Variants in ELMO1 observed in about 807,000 individuals in gnomAD.
The protein encoded by ELMO1 is engulfment and cell motility protein 1.
A neutral mutation model predicts 98.9 loss-of-function variants in ELMO1; 26 were observed. That is an observed-to-expected ratio of 0.26 (90% CI 0.19 to 0.36). The LOEUF (loss-of-function observed/expected upper bound fraction) is 0.36. ELMO1 is among the 10% of genes least tolerant of loss of function. The pLI is 1.00. For missense variants in ELMO1, 627 were observed against 935.2 expected (o/e 0.67, Z 4.30); for synonymous variants, 346 against 346.0 (o/e 1.00, Z 0.00).
intron 19 of ELMO1, among the ~76,000 whole-genome samples, chr7:36,872,916 G>A (rs1042374881): frequency 1.3e-5 from 2 of 152,134 alleles, no homozygotes; most frequent in African/African-American, 4.8e-5. Flanking sequence ...AGCTACAATT[G>A]GTAAGTTAGC....
rs1000074340 is a variant in ELMO1, at chr7:36,870,532, A to G, written c.1823-57T>C. 74 of 1,547,094 alleles carry G rather than the reference A, an allele frequency of 4.8e-5. No individual in the cohort carries two copies. Among genetic ancestry groups the G allele is most frequent in the Admixed American group, 4.4e-4 (25 of 57,262 alleles). On this transcript the variant is annotated intron_variant, in intron 19 of 21. Transcript: ENST00000310758. This position sits in a 1 kb window ranked among gnomAD's most constrained non-coding sequence, Gnocchi z 4.4. ...ACACCATGTGAAAACTTTGATGTCA[A>G]TAAAGAAACAGGACTAAGCACTGGG...
intron 5 of ELMO1, chr7:37,270,308 C>T (rs912793325): frequency 5.9e-5 from 9 of 152,174 alleles, no homozygotes; most frequent in African/African-American, 2.2e-4. Context: ...ACTGTAGCAA[C>T]TCACTCCATT....
At chr7:37,407,470 T>C (rs1039975859) in intron 1 of ELMO1, among the ~76,000 whole-genome samples, 1 of 146,940 alleles carries the variant, frequency 6.8e-6, no homozygotes, top group African/African-American at 2.5e-5. Flanking sequence ...ACTGCACCAC[T>C]GCATTCCAGC....
At chr7:36,923,730 T>C (rs1316902271) in intron 16 of ELMO1, among the ~76,000 whole-genome samples, 3 of 152,176 alleles carry the variant, frequency 2.0e-5, no homozygotes. Flanking sequence ...GAAAGGAACA[T>C]AAATAATTCC....
At chr7:37,089,782 T>A (rs1783972956) in intron 15 of ELMO1, among the ~76,000 whole-genome samples, 1 of 152,194 alleles carries the variant, frequency 6.6e-6, no homozygotes, top group African/African-American at 2.4e-5. Flanking sequence ...GAGACAGAAT[T>A]AAGGGTTTCA....
chr7:37,350,502 C>T (rs1406242034), intron 1 of ELMO1, among the ~76,000 whole-genome samples: 1 of 152,190 alleles, frequency 6.6e-6, no homozygotes, highest in African/African-American at 2.4e-5. Context: ...ACCGTGGACA[C>T]GCACTTTACT....
chr7:36,874,792 T>C (rs1291278993), intron 19 of ELMO1, among the ~76,000 whole-genome samples: 2 of 152,182 alleles, frequency 1.3e-5, no homozygotes, highest in Non-Finnish European at 2.9e-5. Flanking sequence ...TTGGGGGCTA[T>C]GACAACCTGT....
intron 15 of ELMO1, among the ~76,000 whole-genome samples, chr7:37,014,092 C>T (rs371014619): frequency 2.0e-5 from 3 of 152,308 alleles, no homozygotes. Context: ...TCAGCCAAAA[C>T]TGCCTTCAAG....
At chr7:36,871,510 T>A (rs184341852) in intron 19 of ELMO1, among the ~76,000 whole-genome samples, 1 of 152,316 alleles carries the variant, frequency 6.6e-6, no homozygotes, top group African/African-American at 2.4e-5. Context: ...TCCAGCCCCA[T>A]ATGGGTTTAT....
In ELMO1 at chr7:37,347,937, C is replaced by G. The variant is rs142290230; in HGVS notation, c.-73-5174G>C. Among the ~76,000 whole-genome samples the G allele has an allele frequency of 2.6e-3, 392 of 152,272 alleles. 1 individual carries two copies. The highest frequency in any genetic ancestry group is 8.9e-3 in the African/African-American group (368 of 41,556). ...AGGAAATACATTCTAAAATCTTCAGCCAACAAAGTCAGCATCCTGGTGTCC... is the reference window on the plus strand; with the variant it reads ...AGGAAATACATTCTAAAATCTTCAGGCAACAAAGTCAGCATCCTGGTGTCC... On this transcript the variant is annotated intron_variant, in intron 1 of 21. Transcript: ENST00000310758.
chr7:37,092,283 T>C (rs2129250233), intron 15 of ELMO1, among the ~76,000 whole-genome samples: 1 of 151,480 alleles, frequency 6.6e-6, no homozygotes, highest in African/African-American at 2.4e-5. Context: ...CTGTCATTTA[T>C]GCCACAGCAC....
At chr7:37,411,576 T>C (rs1254068766) in intron 1 of ELMO1, among the ~76,000 whole-genome samples, 1 of 152,226 alleles carries the variant, frequency 6.6e-6, no homozygotes, top group Admixed American at 6.5e-5. Context: ...TCCCTTTTCA[T>C]ACAGTCTACA....
At chr7:36,889,720 C>T (rs935774147) in intron 17 of ELMO1, among the ~76,000 whole-genome samples, 4 of 152,172 alleles carry the variant, frequency 2.6e-5, no homozygotes, top group Admixed American at 6.5e-5. Context: ...GTGTAAGACC[C>T]AGAGGTGCCT....
chr7:36,942,651 A>C (rs1787142881), intron 16 of ELMO1, among the ~76,000 whole-genome samples: 2 of 152,248 alleles, frequency 1.3e-5, no homozygotes, highest in South Asian at 4.1e-4. Context: ...GACAAATGGC[A>C]TAGTTTACCT....
intron 20 of ELMO1, among the ~76,000 whole-genome samples, chr7:36,862,966 T>C (rs1802747644): frequency 6.6e-6 from 1 of 152,218 alleles, no homozygotes; most frequent in Admixed American, 6.5e-5. Context: ...TTTCAGAATT[T>C]CAGACGGATT....
intron 4 of ELMO1, among the ~76,000 whole-genome samples, chr7:37,285,684 G>GA (rs1797357866): frequency 6.6e-6 from 1 of 152,122 alleles, no homozygotes; most frequent in Non-Finnish European, 1.5e-5. Context: ...AAAAGAAGGG[G>GA]AAAAAAGCAG....
At chr7:36,897,295 C>T (rs893850112) in intron 16 of ELMO1, among the ~76,000 whole-genome samples, 1 of 95,998 alleles carries the variant, frequency 1.0e-5, no homozygotes, top group Non-Finnish European at 2.3e-5. Flanking sequence ...ATAATGAGAC[C>T]AATGTCAGTA....
chr7:37,141,003 C>T (rs1787602256), intron 13 of ELMO1, among the ~76,000 whole-genome samples: 1 of 152,106 alleles, frequency 6.6e-6, no homozygotes, highest in South Asian at 2.1e-4. Context: ...AGTAGATCTA[C>T]CATTTGATCC....
At chr7:37,320,236 G>A (rs1042854775) in intron 2 of ELMO1, among the ~76,000 whole-genome samples, 2 of 151,366 alleles carry the variant, frequency 1.3e-5, no homozygotes, top group Non-Finnish European at 2.9e-5. Flanking sequence ...GAGATCAAGC[G>A]CCACTGCAGT....
Sources: allele counts gnomAD v4.1 joint callset (sites outside exome capture counted in the v4.1 genomes callset), GRCh38; gene constraint gnomAD v4.1.1; non-coding constraint Gnocchi (gnomAD v3.1); transcripts MANE v1.5; gene names NCBI Gene and HGNC (gene_info 2026-07-23, HGNC 2026-07-21).